Variants in RIN2 observed in about 807,000 individuals in gnomAD.
RIN2 encodes RAB5 interacting protein 2.
RIN2 carries 36 observed loss-of-function variants against 78.0 expected under a neutral mutation model. The observed-to-expected ratio is 0.46, with a 90% CI of 0.35 to 0.61. RIN2 has a LOEUF of 0.61. RIN2 is among the 20% of genes least tolerant of loss of function. RIN2 has a pLI of 0.00. For synonymous variants in RIN2, 466 were observed against 466.8 expected (o/e 1.00, Z 0.02); for missense variants, 1,087 against 1,159.7 (o/e 0.94, Z 0.91).
intron 1 of RIN2, among the ~76,000 whole-genome samples, chr20:19,788,111 CA>C (rs779117826): frequency 1.3e-5 from 2 of 152,098 alleles, no homozygotes; most frequent in Non-Finnish European, 2.9e-5. Context: ...AGGGTATGTG[CA>C]AGCCATGTTG....
intron 3 of RIN2, among the ~76,000 whole-genome samples, chr20:19,917,110 T>A (rs73901333): frequency 0.024 from 3,510 of 147,872 alleles, 116 homozygotes; most frequent in African/African-American, 0.081. Flanking sequence ...TTAAAAAATT[T>A]AAAAAAAAAA....
chr20:19,845,043 T>G (rs865950992), intron 2 of RIN2, among the ~76,000 whole-genome samples: 2 of 152,176 alleles, frequency 1.3e-5, no homozygotes, highest in Non-Finnish European at 2.9e-5. Context: ...TTCATCCATG[T>G]CCCTGCAAAG....
At chr20:19,797,289 C>T (rs1260385367) in intron 1 of RIN2, among the ~76,000 whole-genome samples, 6 of 152,094 alleles carry the variant, frequency 3.9e-5, no homozygotes, top group South Asian at 2.1e-4. Context: ...GCAGGCCCAC[C>T]GTATTTATGA....
chr20:19,978,255 A>G (rs1012091309), intron 9 of RIN2, among the ~76,000 whole-genome samples: 1 of 152,246 alleles, frequency 6.6e-6, no homozygotes, highest in African/African-American at 2.4e-5. Context: ...GCCTAGATTT[A>G]TGGAACAACT....
intron 1 of RIN2, among the ~76,000 whole-genome samples, chr20:19,781,267 G>GTGGA (rs1462994631): frequency 6.6e-6 from 1 of 152,190 alleles, no homozygotes; most frequent in Non-Finnish European, 1.5e-5. Flanking sequence ...TAGAAGACAC[G>GTGGA]TGGATGGATG....
At chr20:19,996,364 T>C (rs1293344947) in intron 11 of RIN2, among the ~76,000 whole-genome samples, 4 of 151,766 alleles carry the variant, frequency 2.6e-5, no homozygotes, top group African/African-American at 4.8e-5. Context: ...CTTTAGTGGC[T>C]TGGTCAGTCT....
At chr20:19,779,678 CA>C (rs2034432014) in intron 1 of RIN2, among the ~76,000 whole-genome samples, 1 of 152,160 alleles carries the variant, frequency 6.6e-6, no homozygotes, top group Admixed American at 6.5e-5. Flanking sequence ...ACAGGAAAAA[CA>C]AGTATTAATA....
rs2042739979 is a variant in RIN2, at chr20:19,989,887, G to T, written c.1763-119G>T. On this transcript the variant is annotated intron_variant, in intron 9 of 12. Coordinates refer to ENST00000255006, the MANE Select transcript of RIN2 (RefSeq NM_018993.4). ...TTGTCTGTTGGTTGGATGTTAAGGTGTACAATTTGTGTGCCTGCAACCAAT... is the reference window on the plus strand; with the variant it reads ...TTGTCTGTTGGTTGGATGTTAAGGTTTACAATTTGTGTGCCTGCAACCAAT... 4 of 983,068 alleles carry T rather than the reference G, an allele frequency of 4.1e-6. No homozygotes were observed. In the South Asian group the frequency reaches 5.6e-5, roughly 14 times the overall value. The allele number at this position is 983,068 out of a possible 1,614,324, so 60.9% of individuals were successfully genotyped here.
intron 1 of RIN2, among the ~76,000 whole-genome samples, chr20:19,781,307 G>A (rs1300931897): frequency 6.6e-6 from 1 of 152,218 alleles, no homozygotes; most frequent in African/African-American, 2.4e-5. Context: ...ATGTTGTAAG[G>A]AGTGTGTAGA....
chr20:19,770,458 A>G (rs2034067408), intron 1 of RIN2, among the ~76,000 whole-genome samples: 1 of 152,118 alleles, frequency 6.6e-6, no homozygotes, highest in Non-Finnish European at 1.5e-5. Context: ...CCCTTAAAGC[A>G]TTTCCCAATG....
At position 19,971,332 on chromosome 20, in the gene RIN2, C is replaced by T. The variant is rs796608827; in HGVS notation, c.628+403C>T. Among the ~76,000 whole-genome samples, 5 of 152,230 alleles carry T rather than the reference C, an allele frequency of 3.3e-5. No homozygotes were observed. The South Asian group carries it at 1.0e-3, about 32-fold the overall frequency. On this transcript the variant is annotated intron_variant, in intron 8 of 12. Transcript: ENST00000255006. The stretch of plus-strand genomic sequence containing the variant: ...TGCTGTTCTGGTCCATGTCCTAACC[C>T]TGCCGGGGATCCTTGGTCTGGCAGC...
intron 2 of RIN2, among the ~76,000 whole-genome samples, chr20:19,866,362 G>A (rs888538727): frequency 2.0e-5 from 3 of 152,192 alleles, no homozygotes; most frequent in Admixed American, 6.5e-5. Flanking sequence ...GGGGGTGGGG[G>A]ACCCCTGATA....
chr20:19,965,464 T>C (rs541472423), intron 7 of RIN2, among the ~76,000 whole-genome samples: 9 of 152,210 alleles, frequency 5.9e-5, no homozygotes, highest in Non-Finnish European at 1.0e-4. Context: ...CTGAAAACTC[T>C]GTAAGGGATG....
At chr20:19,798,729 C>G (rs1163191491) in intron 1 of RIN2, among the ~76,000 whole-genome samples, 1 of 151,896 alleles carries the variant, frequency 6.6e-6, no homozygotes, top group Non-Finnish European at 1.5e-5. Context: ...ATAAAAATGC[C>G]CACTTCTGCC....
At chr20:19,821,179 T>A (rs62200175) in intron 2 of RIN2, among the ~76,000 whole-genome samples, 5,750 of 152,290 alleles carry the variant, frequency 0.038, 160 homozygotes, top group South Asian at 0.084. Flanking sequence ...CCAACTATCC[T>A]TTGGTCATTT....
intron 1 of RIN2, among the ~76,000 whole-genome samples, chr20:19,793,370 G>C (rs1012789510): frequency 1.1e-4 from 17 of 152,156 alleles, no homozygotes; most frequent in Non-Finnish European, 1.0e-4. Context: ...AGGGCCCGTG[G>C]CTGCTATATT....
chr20:19,897,895 G>A (rs1473977545), intron 3 of RIN2, among the ~76,000 whole-genome samples: 1 of 152,106 alleles, frequency 6.6e-6, no homozygotes, highest in Non-Finnish European at 1.5e-5. Context: ...TTTAGTTTTT[G>A]TAGAGACAGG....
intron 11 of RIN2, among the ~76,000 whole-genome samples, chr20:19,995,095 C>T (rs2042912896): frequency 6.6e-6 from 1 of 152,008 alleles, no homozygotes; most frequent in Non-Finnish European, 1.5e-5. Context: ...GGACAGTTGC[C>T]ATCTTGCATA....
At chr20:19,771,352 T>A (rs888801413) in intron 1 of RIN2, among the ~76,000 whole-genome samples, 2 of 152,224 alleles carry the variant, frequency 1.3e-5, no homozygotes, top group Admixed American at 1.3e-4. Flanking sequence ...TGGAGTTGTA[T>A]GGCAGGAAAC....
Sources: allele counts gnomAD v4.1 joint callset (sites outside exome capture counted in the v4.1 genomes callset), GRCh38; gene constraint gnomAD v4.1.1; transcripts MANE v1.5; gene names NCBI Gene and HGNC (gene_info 2026-07-23, HGNC 2026-07-21).